TTLL7: variants seen among roughly 807,000 people sequenced by gnomAD.
TTLL7 encodes the protein tubulin polyglutamylase TTLL7.
Under a neutral mutation model 120.2 loss-of-function variants are expected in TTLL7, and 53 were observed. The observed-to-expected ratio is 0.44, with a 90% CI of 0.35 to 0.55. TTLL7 has a LOEUF of 0.55. Among genes scored for constraint, TTLL7 ranks in the 20% least tolerant of loss-of-function variants. The pLI is 0.00. For synonymous variants in TTLL7, 353 were observed against 351.7 expected (o/e 1.00, Z -0.04); for missense variants, 803 against 1,054.7 (o/e 0.76, Z 3.31).
Position 83,948,671 on chromosome 1 carries a change from C to T in TTLL7, c.304G>A (p.Gly102Arg), listed in dbSNP as rs951686983. The T allele has an allele frequency of 6.2e-7, 1 of 1,609,902 alleles. No homozygotes were observed. Among genetic ancestry groups the T allele is most frequent in the Non-Finnish European group, 8.5e-7 (1 of 1,177,210 alleles). ...YQRINHFPGM[G>R]EICRKDFLAR... ...AAGAAATCCTTCCTACAGATCTCCCCCATTCCTGGAAAATGGTTGATCCTC... is the reference window on the plus strand; with the variant it reads ...AAGAAATCCTTCCTACAGATCTCCCTCATTCCTGGAAAATGGTTGATCCTC... Residue 102 changes from glycine to arginine, a missense_variant, in exon 5 of 21, where the codon GGG (glycine) becomes AGG (arginine). Gly to Arg is a moderately radical substitution (Grantham distance 125). Transcript: ENST00000260505.
intron 18 of TTLL7, among the ~76,000 whole-genome samples, chr1:83,891,976 C>T (rs1423440178): frequency 2.0e-5 from 3 of 151,704 alleles, no homozygotes; most frequent in Non-Finnish European, 4.4e-5. Context: ...AAGAGGCACA[C>T]ACCACCATGC....
chr1:83,907,785 A>G, intron 15 of TTLL7, 124 bp from the exon 16 acceptor site: 1 of 813,838 alleles, frequency 1.2e-6, no homozygotes, highest in South Asian at 1.8e-5. Context: ...ATGTCAAAGC[A>G]TAGGCATCAT....
At chr1:83,983,129 C>A (rs117081188) in intron 1 of TTLL7, among the ~76,000 whole-genome samples, 1 of 151,988 alleles carries the variant, frequency 6.6e-6, no homozygotes, top group Admixed American at 6.6e-5. Context: ...GTCAGGAGTT[C>A]GAGACTAGTC....
At chr1:83,949,662 AG>A in intron 4 of TTLL7, 1 of 530,706 alleles carries the variant, frequency 1.9e-6, no homozygotes, top group Non-Finnish European at 3.2e-6. Flanking sequence ...CCCTAAAGAT[AG>A]AAAGAGGTTA....
intron 14 of TTLL7, among the ~76,000 whole-genome samples, chr1:83,911,581 G>A (rs968989937): frequency 4.6e-5 from 7 of 152,108 alleles, no homozygotes; most frequent in South Asian, 4.1e-4. Flanking sequence ...TAGTCATGAT[G>A]AGGAATATGT....
At chr1:83,943,025 T>C (rs965270460) in intron 6 of TTLL7, among the ~76,000 whole-genome samples, 1 of 152,066 alleles carries the variant, frequency 6.6e-6, no homozygotes, top group African/African-American at 2.4e-5. Context: ...CTGGAGGGGG[T>C]AGAATGGGCT....
chr1:83,955,239 GT>G (rs962462630), intron 1 of TTLL7, among the ~76,000 whole-genome samples: 3 of 152,104 alleles, frequency 2.0e-5, no homozygotes, highest in African/African-American at 7.2e-5. Flanking sequence ...CAAAAAGATG[GT>G]TTTCTTCTAT....
At chr1:83,966,373 C>G (rs1480821020) in intron 1 of TTLL7, among the ~76,000 whole-genome samples, 1 of 138,270 alleles carries the variant, frequency 7.2e-6, no homozygotes, top group Non-Finnish European at 1.6e-5. Context: ...GTCTCTCTGT[C>G]TCTCTATCTC....
At chr1:83,888,344 T>C (rs1655144954) in intron 19 of TTLL7, among the ~76,000 whole-genome samples, 1 of 152,026 alleles carries the variant, frequency 6.6e-6, no homozygotes, top group Non-Finnish European at 1.5e-5. Flanking sequence ...CTTAGGTCTC[T>C]GTAGAAATAA....
chr1:83,938,014 G>A lies in TTLL7; in HGVS notation c.726C>T (p.Thr242=). 1 of 1,613,500 alleles carries A rather than the reference G, an allele frequency of 6.2e-7. No individual in the cohort carries two copies. The highest frequency in any genetic ancestry group is 8.5e-7 in the Non-Finnish European group (1 of 1,179,666). The change falls in exon 8 of 21, where the codon ACC becomes ACT. Residue 242 remains threonine (T), a splice_region_variant and synonymous_variant. Coordinates refer to ENST00000260505, the MANE Select transcript of TTLL7 (RefSeq NM_024686.6). Reference sequence around the variant, plus strand: ...AGTTTGTCAGATGCATGTATAACTGGGTCTGTAACAAGTAAGAACCAAAGT... The same window carrying A: ...AGTTTGTCAGATGCATGTATAACTGAGTCTGTAACAAGTAAGAACCAAAGT... ...KYIPPNESNL[T]QLYMHLTNYS...
chr1:83,961,489 G>A (rs2100540334), intron 1 of TTLL7, among the ~76,000 whole-genome samples: 1 of 152,140 alleles, frequency 6.6e-6, no homozygotes, highest in African/African-American at 2.4e-5. Context: ...TGAAAAAGCA[G>A]GAACTGATAA....
intron 1 of TTLL7, among the ~76,000 whole-genome samples, chr1:83,996,289 C>G (rs1653472025): frequency 1.3e-5 from 2 of 152,090 alleles, no homozygotes; most frequent in Non-Finnish European, 2.9e-5. Context: ...AGGAAACAGA[C>G]CATTTCCTGG....
At chr1:83,929,506 C>A (rs1301644364) in intron 9 of TTLL7, among the ~76,000 whole-genome samples, 1 of 152,124 alleles carries the variant, frequency 6.6e-6, no homozygotes, top group Non-Finnish European at 1.5e-5. Context: ...CTCCATTCCA[C>A]TCTCTCCACT....
intron 7 of TTLL7, among the ~76,000 whole-genome samples, chr1:83,942,091 C>G (rs1648032039): frequency 6.6e-6 from 1 of 152,202 alleles, no homozygotes. Flanking sequence ...TGAACACAAA[C>G]TGTCTCAACA....
intron 1 of TTLL7, among the ~76,000 whole-genome samples, chr1:83,983,262 C>T (rs923199392): frequency 7.9e-5 from 12 of 152,120 alleles, no homozygotes; most frequent in African/African-American, 1.2e-4. Context: ...ACCCAGGAGG[C>T]GGAGGCTGCA....
At chr1:83,892,792 G>GCATATGTGAACATATATATGAGCA (rs2100734715) in intron 18 of TTLL7, among the ~76,000 whole-genome samples, 1 of 151,598 alleles carries the variant, frequency 6.6e-6, no homozygotes, top group South Asian at 2.1e-4. Context: ...ATATATGAAC[G>GCATATGTGAACATATATATGAGCA]CATATGTGAA....
intron 6 of TTLL7, among the ~76,000 whole-genome samples, chr1:83,943,809 G>A (rs1377591319): frequency 2.6e-5 from 4 of 152,178 alleles, no homozygotes; most frequent in East Asian, 1.9e-4. Flanking sequence ...AAACAGTTGC[G>A]AGGAAGCCCA....
chr1:83,951,344 C>CA (rs1317889708), intron 3 of TTLL7, among the ~76,000 whole-genome samples: 298 of 111,004 alleles, frequency 2.7e-3, no homozygotes, highest in African/African-American at 5.6e-3. Context: ...AACTCCGCCT[C>CA]AAAAAAAAAA....
intron 9 of TTLL7, among the ~76,000 whole-genome samples, chr1:83,930,173 G>A (rs961678160): frequency 2.0e-5 from 3 of 152,000 alleles, no homozygotes; most frequent in East Asian, 3.8e-4. Context: ...CGTGTTAACC[G>A]TTTGGTAGAT....
Sources: allele counts gnomAD v4.1 joint callset (sites outside exome capture counted in the v4.1 genomes callset), GRCh38; gene constraint gnomAD v4.1.1; transcripts MANE v1.5; gene names NCBI Gene and HGNC (gene_info 2026-07-23, HGNC 2026-07-21).